The following BNC2 variants were observed in gnomAD, a reference collection of about 807,000 sequenced individuals.
The protein encoded by BNC2 is zinc finger protein basonuclin-2.
A neutral mutation model predicts 76.3 loss-of-function variants in BNC2; 20 were observed. The ratio of observed to expected loss-of-function variants is 0.26; its 90% CI spans 0.18 to 0.38. The LOEUF (loss-of-function observed/expected upper bound fraction) is 0.38, where lower values mean the gene tolerates loss of function less well. BNC2 is among the 10% of genes least tolerant of loss of function. The pLI, the probability that BNC2 is intolerant of heterozygous loss-of-function variation, is 1.00. For missense variants in BNC2, 1,382 were observed against 1,399.8 expected, an observed-to-expected ratio of 0.99 and a Z score of 0.20; for synonymous variants, 582 against 514.8, an observed-to-expected ratio of 1.13 and a Z score of -1.77.
intron 5 of BNC2, among the ~76,000 whole-genome samples, chr9:16,521,982 T>C (rs1256418710): frequency 6.6e-6 from 1 of 152,380 alleles, no homozygotes; most frequent in East Asian, 1.9e-4. Flanking sequence ...TCACTCATTA[T>C]ATAAATCAAA....
At chr9:16,698,293 GAT>G (rs914501443) in intron 3 of BNC2, among the ~76,000 whole-genome samples, 23 of 149,624 alleles carry the variant, frequency 1.5e-4, no homozygotes, top group African/African-American at 5.7e-4. Context: ...GGCAAGCAAG[GAT>G]GTTCATATTT....
intron 3 of BNC2, among the ~76,000 whole-genome samples, chr9:16,701,367 T>TA (rs1289874160): frequency 6.6e-6 from 1 of 152,206 alleles, no homozygotes; most frequent in African/African-American, 2.4e-5. Flanking sequence ...ATTACACATG[T>TA]TAGGCCTTGA....
chr9:16,788,600 G>C (rs1047491240), intron 1 of BNC2, among the ~76,000 whole-genome samples: 3 of 150,350 alleles, frequency 2.0e-5, no homozygotes, highest in African/African-American at 7.3e-5. Flanking sequence ...ATGACAAGTT[G>C]ATTCAATGAC....
intron 5 of BNC2, among the ~76,000 whole-genome samples, chr9:16,524,495 T>G (rs1428031562): frequency 6.6e-6 from 1 of 152,092 alleles, no homozygotes; most frequent in Non-Finnish European, 1.5e-5. Flanking sequence ...ATTTCCTGTT[T>G]TTTTTTGGGG....
chr9:16,574,671 G>A (rs1226129873), intron 4 of BNC2, among the ~76,000 whole-genome samples: 8 of 151,758 alleles, frequency 5.3e-5, no homozygotes, highest in East Asian at 3.9e-4. Flanking sequence ...TTCCACATTC[G>A]TACCTTAAGG....
At chr9:16,439,544 G>A (rs755941486) in intron 5 of BNC2, among the ~76,000 whole-genome samples, 9 of 152,172 alleles carry the variant, frequency 5.9e-5, no homozygotes, top group Non-Finnish European at 1.2e-4. Context: ...TGTGCTTTAT[G>A]TAGGATGTTA....
chr9:16,643,946 G>A (rs569652720), intron 3 of BNC2, among the ~76,000 whole-genome samples: 2 of 152,212 alleles, frequency 1.3e-5, no homozygotes, highest in Non-Finnish European at 2.9e-5. Context: ...TAAACTTTCA[G>A]AAGAACCTAT....
chr9:16,492,611 T>C (rs1822301272), intron 5 of BNC2, among the ~76,000 whole-genome samples: 2 of 152,174 alleles, frequency 1.3e-5, no homozygotes, highest in Admixed American at 1.3e-4. Flanking sequence ...TGCTGTGATG[T>C]ATGGTCCACT....
At chr9:16,475,149 T>C (rs1488178356) in intron 5 of BNC2, among the ~76,000 whole-genome samples, 1 of 152,212 alleles carries the variant, frequency 6.6e-6, no homozygotes, top group Non-Finnish European at 1.5e-5. Flanking sequence ...ATCTATTAAA[T>C]TCATGAAGAT....
intron 5 of BNC2, among the ~76,000 whole-genome samples, chr9:16,491,605 G>A (rs915462895): frequency 2.6e-5 from 4 of 152,204 alleles, no homozygotes; most frequent in Non-Finnish European, 5.9e-5. Context: ...TAAGAAAACA[G>A]TGAATTTAGT....
At chr9:16,826,010 CTG>C (rs1311073764) in intron 1 of BNC2, among the ~76,000 whole-genome samples, 2 of 152,114 alleles carry the variant, frequency 1.3e-5, no homozygotes, top group South Asian at 2.1e-4. Context: ...CTAATCTTTA[CTG>C]TGTTAGCAAT....
chr9:16,733,526 A>G (rs530532728), intron 2 of BNC2, among the ~76,000 whole-genome samples: 113 of 152,214 alleles, frequency 7.4e-4, no homozygotes, highest in African/African-American at 2.6e-3. Flanking sequence ...ATGGAAAGAC[A>G]GTAAAAAGTT....
chr9:16,660,074 C>T (rs1043143608), intron 3 of BNC2, among the ~76,000 whole-genome samples: 2 of 152,192 alleles, frequency 1.3e-5, no homozygotes, highest in Admixed American at 1.3e-4. Flanking sequence ...ACACTAGGGA[C>T]CCCATAATTA....
At chr9:16,824,126 A>C (rs982777389) in intron 1 of BNC2, among the ~76,000 whole-genome samples, 2 of 152,178 alleles carry the variant, frequency 1.3e-5, no homozygotes, top group Admixed American at 1.3e-4. Context: ...GTCCTTTGAT[A>C]ATCAGTCATA....
intron 1 of BNC2, among the ~76,000 whole-genome samples, chr9:16,854,563 T>C (rs1247581876): frequency 6.6e-6 from 1 of 152,172 alleles, no homozygotes; most frequent in South Asian, 2.1e-4. Flanking sequence ...TTGCAATATA[T>C]ATCTTTTTTT....
intron 5 of BNC2, among the ~76,000 whole-genome samples, chr9:16,442,262 A>AC (rs1821143792): frequency 6.6e-6 from 1 of 152,234 alleles, no homozygotes; most frequent in Non-Finnish European, 1.5e-5. Context: ...AGACTTATAA[A>AC]CCAGTTTTAC....
At chr9:16,509,220 T>C (rs1822699270) in intron 5 of BNC2, among the ~76,000 whole-genome samples, 2 of 152,162 alleles carry the variant, frequency 1.3e-5, no homozygotes, top group Admixed American at 1.3e-4. Context: ...CAGGAAGCTG[T>C]CAAAGAAAGC....
intron 5 of BNC2, among the ~76,000 whole-genome samples, chr9:16,529,865 A>G (rs1406641011): frequency 2.0e-5 from 3 of 152,096 alleles, no homozygotes; most frequent in African/African-American, 7.2e-5. Context: ...TTATTTATTT[A>G]TGAGATGGAG....
At chr9:16,763,551 C>G (rs567760679) in intron 1 of BNC2, among the ~76,000 whole-genome samples, 1 of 151,844 alleles carries the variant, frequency 6.6e-6, no homozygotes, top group East Asian at 1.9e-4. Flanking sequence ...GCCTGAGTGA[C>G]AGAGCAAGAC....
Sources: gnomAD v4.1 joint callset for allele counts (sites outside exome capture counted in the v4.1 genomes callset) on GRCh38, gnomAD v4.1.1 for gene constraint, MANE v1.5 for transcripts, NCBI Gene and HGNC (gene_info 2026-07-23, HGNC 2026-07-21) for gene names.